CD1B: variants seen among roughly 807,000 people sequenced by gnomAD.
CD1B encodes T-cell surface glycoprotein CD1b.
CD1B carries 43 observed loss-of-function variants against 39.8 expected under a neutral mutation model. That is an observed-to-expected ratio of 1.08 (90% confidence interval 0.85 to 1.39). CD1B has a LOEUF of 1.39. Ranked by LOEUF, CD1B falls within the 40% of genes most tolerant of loss-of-function variation. The pLI is 0.00. For synonymous variants in CD1B, 192 were observed against 152.5 expected (o/e 1.26, Z -1.91); for missense variants, 495 against 403.8 (o/e 1.23, Z -1.94).
At chr1:158,305,724 G>A in the CD1B span, among the ~76,000 whole-genome samples, 1 of 152,234 alleles carries the variant, frequency 6.6e-6, no homozygotes, top group Admixed American at 6.5e-5. Context: ...CAGACTAACA[G>A]CTGATCTCTC....
downstream of CD1B, among the ~76,000 whole-genome samples, chr1:158,323,070 G>A (rs1327870027): frequency 6.6e-6 from 1 of 151,996 alleles, no homozygotes; most frequent in Non-Finnish European, 1.5e-5. Flanking sequence ...TGATTTCTGT[G>A]AATAAGCCGT....
At position 158,327,986 on chromosome 1, in the gene CD1B, C is replaced by G. The variant is rs1176305330; in HGVS notation, c.*250G>C. On this transcript the variant is annotated 3_prime_UTR_variant, in exon 6 of 6. Coordinates refer to ENST00000368168, the MANE Select transcript of CD1B (RefSeq NM_001764.3). ...GTATTATATTTCATTTATTTTGAGA[C>G]ACATTTTTTCTAACATTTTAATGTG... The G allele has an allele frequency of 5.1e-6, 2 of 393,336 alleles. No homozygotes were observed. The highest frequency in any genetic ancestry group is 4.1e-5 in the African/African-American group (2 of 48,804). 24.4% of individuals were successfully genotyped at this position (393,336 alleles called of 1,614,324 possible).
chr1:158,308,968 A>G, the CD1B span, among the ~76,000 whole-genome samples: 3 of 152,190 alleles, frequency 2.0e-5, no homozygotes, highest in African/African-American at 7.2e-5. Flanking sequence ...AACAAAAGCC[A>G]AAATTGACAA....
chr1:158,329,790 G>T, intron 3 of CD1B, 62 bp downstream of exon 3: 1 of 1,569,636 alleles, frequency 6.4e-7, no homozygotes, highest in South Asian at 1.2e-5. Context: ...CCTATCCTTT[G>T]ATATCTTCCT....
At chr1:158,302,629 A>G in the CD1B span, among the ~76,000 whole-genome samples, 8 of 152,192 alleles carry the variant, frequency 5.3e-5, no homozygotes, top group Non-Finnish European at 1.2e-4. Context: ...ATAGAAATAC[A>G]AAAACCACTC....
the CD1B span, among the ~76,000 whole-genome samples, chr1:158,307,794 C>A: frequency 1.4e-4 from 22 of 152,136 alleles, no homozygotes; most frequent in Non-Finnish European, 1.5e-5. Context: ...ACCCTTCATG[C>A]TAAAAACTCT....
At chr1:158,296,496 G>A in the CD1B span, among the ~76,000 whole-genome samples, 1 of 152,210 alleles carries the variant, frequency 6.6e-6, no homozygotes, top group Non-Finnish European at 1.5e-5. Flanking sequence ...CCACATAGAT[G>A]AGAAAGAACC....
the CD1B span, among the ~76,000 whole-genome samples, chr1:158,298,208 T>A: frequency 2.6e-5 from 4 of 152,280 alleles, no homozygotes; most frequent in African/African-American, 9.6e-5. Context: ...ATCCTCAATA[T>A]ATATGCACCC....
the CD1B span, among the ~76,000 whole-genome samples, chr1:158,315,430 T>C: frequency 6.6e-6 from 1 of 152,036 alleles, no homozygotes; most frequent in Admixed American, 6.6e-5. Flanking sequence ...TTTTTTAATG[T>C]GTTTTTTGGC....
chr1:158,302,755 A>G, the CD1B span, among the ~76,000 whole-genome samples: 3 of 152,192 alleles, frequency 2.0e-5, no homozygotes, highest in Admixed American at 2.0e-4. Flanking sequence ...AACCCTGAAC[A>G]GATCAATAAT....
chr1:158,305,536 A>G, the CD1B span, among the ~76,000 whole-genome samples: 2 of 152,358 alleles, frequency 1.3e-5, no homozygotes, highest in Admixed American at 1.3e-4. Context: ...AACTTCCCCA[A>G]TCTAGCAAGG....
chr1:158,286,381 CCTT>C, the CD1B span, among the ~76,000 whole-genome samples: 54 of 152,302 alleles, frequency 3.5e-4, no homozygotes, highest in East Asian at 8.9e-3. Context: ...TGCCAGTTTC[CCTT>C]CTTACACTAC....
the CD1B span, among the ~76,000 whole-genome samples, chr1:158,308,231 A>T: frequency 6.6e-6 from 1 of 152,218 alleles, no homozygotes; most frequent in Admixed American, 6.5e-5. Context: ...CCCATTCACA[A>T]TTGCTTCAAA....
rs372141091 is a variant in CD1B, at chr1:158,329,502, C to T, written c.754G>A (p.Asp252Asn). 1 of 1,614,150 alleles carries T rather than the reference C, an allele frequency of 6.2e-7. No individual in the cohort carries two copies. Among genetic ancestry groups the T allele is most frequent in the Non-Finnish European group, 8.5e-7 (1 of 1,180,044 alleles). ...EQEQQGTQLG[D>N]ILPNANWTWY... Reference sequence around the variant, plus strand: ...GTCCAGTTAGCATTGGGCAGGATGTCCCCTAGCTGAGTGCCCTGCTGCTCC... The same window carrying T: ...GTCCAGTTAGCATTGGGCAGGATGTTCCCTAGCTGAGTGCCCTGCTGCTCC... The change falls in exon 4 of 6, where the codon GAC (aspartate) becomes AAC (asparagine). Residue 252 changes from aspartate (D) to asparagine (N), a missense_variant. Coordinates refer to ENST00000368168, the MANE Select transcript of CD1B (RefSeq NM_001764.3).
chr1:158,305,687 T>TG, the CD1B span, among the ~76,000 whole-genome samples: 1 of 152,140 alleles, frequency 6.6e-6, no homozygotes, highest in African/African-American at 2.4e-5. Context: ...GAGAGAAAGG[T>TG]GGGGTTACCC....
chr1:158,303,119 TG>T, the CD1B span, among the ~76,000 whole-genome samples: 1 of 152,236 alleles, frequency 6.6e-6, no homozygotes, highest in South Asian at 2.1e-4. Context: ...GACTCAAGGT[TG>T]GTTCAACATA....
chr1:158,326,546 T>A (rs1235195359), downstream of CD1B, among the ~76,000 whole-genome samples: 2 of 152,058 alleles, frequency 1.3e-5, no homozygotes, highest in Non-Finnish European at 2.9e-5. Context: ...TTGGAAAAAA[T>A]TTGAATGCTG....
the CD1B span, chr1:158,292,580 T>C: frequency 6.2e-7 from 1 of 1,609,256 alleles, no homozygotes; most frequent in South Asian, 1.1e-5. Flanking sequence ...CAGAACACTT[T>C]TTCTGCTCTC....
At chr1:158,325,233 T>C (rs940735507), downstream of CD1B, among the ~76,000 whole-genome samples, 3 of 152,206 alleles carry the variant, frequency 2.0e-5, no homozygotes, top group African/African-American at 7.2e-5. Context: ...TTGAGGTCCC[T>C]GACTCCTTTT....
Sources: gnomAD v4.1 joint callset for allele counts (sites outside exome capture counted in the v4.1 genomes callset) on GRCh38, gnomAD v4.1.1 for gene constraint, MANE v1.5 for transcripts, NCBI Gene and HGNC (gene_info 2026-07-23, HGNC 2026-07-21) for gene names.